The following NAV3 variants were observed in gnomAD, a reference collection of about 807,000 sequenced individuals.
NAV3 encodes the protein neuron navigator 3, also known as pore membrane and/or filament interacting like protein 1.
A neutral mutation model predicts 244.7 loss-of-function variants in NAV3; 87 were observed. That is an observed-to-expected ratio of 0.36 (90% confidence interval 0.30 to 0.42). NAV3 has a LOEUF of 0.42. NAV3 is among the 20% of genes least tolerant of loss of function. The pLI is 1.00. For missense variants in NAV3, 2,663 were observed against 2,893.3 expected, an observed-to-expected ratio of 0.92 and a Z score of 1.83; for synonymous variants, 1,126 against 1,042.2, an observed-to-expected ratio of 1.08 and a Z score of -1.55.
At chr12:78,042,459 A>G (rs1881022735) in intron 9 of NAV3, among the ~76,000 whole-genome samples, 2 of 152,262 alleles carry the variant, frequency 1.3e-5, no homozygotes, top group African/African-American at 2.4e-5. Context: ...GTCTTTGTCC[A>G]TGAGTCTAAT....
At chr12:78,060,632 A>G (rs1337947049) in intron 12 of NAV3, among the ~76,000 whole-genome samples, 1 of 152,212 alleles carries the variant, frequency 6.6e-6, no homozygotes, top group African/African-American at 2.4e-5. Context: ...ATATAGTCAC[A>G]TAGGCTGGCA....
At chr12:78,176,549 T>A (rs1227865594) in intron 26 of NAV3, 90 bp downstream of exon 26, 2 of 1,228,634 alleles carry the variant, frequency 1.6e-6, no homozygotes. Context: ...TAGGCTTTTA[T>A]ACCTTTTAAA....
At chr12:78,155,135 C>G (rs560813548) in intron 22 of NAV3, among the ~76,000 whole-genome samples, 3 of 152,046 alleles carry the variant, frequency 2.0e-5, no homozygotes, top group African/African-American at 7.2e-5. Context: ...AGATATTAAG[C>G]CCACCATCCA....
chr12:78,025,595 C>CA (rs1186694789), intron 9 of NAV3, among the ~76,000 whole-genome samples: 5,299 of 55,348 alleles, frequency 0.096, 798 homozygotes, highest in African/African-American at 0.11. Flanking sequence ...GACTCCATCT[C>CA]AAAAAAAAAA....
chr12:77,719,361 A>C (rs1184349630), intron 2 of NAV3, among the ~76,000 whole-genome samples: 3 of 150,424 alleles, frequency 2.0e-5, no homozygotes, highest in Non-Finnish European at 4.4e-5. Flanking sequence ...AAATTGTGAG[A>C]GTAGGAATCT....
chr12:78,087,618 A>G (rs778296798), intron 12 of NAV3, among the ~76,000 whole-genome samples: 6 of 152,050 alleles, frequency 3.9e-5, no homozygotes, highest in East Asian at 1.9e-4. Flanking sequence ...CAAGGAGACA[A>G]TTATAAAATG....
At chr12:78,126,061 C>G (rs1475316661) in intron 16 of NAV3, among the ~76,000 whole-genome samples, 3 of 152,126 alleles carry the variant, frequency 2.0e-5, no homozygotes, top group Non-Finnish European at 4.4e-5. Context: ...ATCCACAGTA[C>G]TTAAGAAAAC....
intron 2 of NAV3, among the ~76,000 whole-genome samples, chr12:77,593,631 CTTTTT>C: frequency 8.4e-6 from 1 of 118,506 alleles, no homozygotes; most frequent in East Asian, 2.9e-4. Context: ...ATCCCAGCTA[CTTTTT>C]TTTTTTTTTT....
At chr12:78,094,687 A>C (rs1158563017) in intron 12 of NAV3, among the ~76,000 whole-genome samples, 1 of 152,158 alleles carries the variant, frequency 6.6e-6, no homozygotes, top group African/African-American at 2.4e-5. Flanking sequence ...ATTTTTAATT[A>C]CCGGGTTATA....
chr12:77,814,229 G>A (rs183187326), intron 2 of NAV3, among the ~76,000 whole-genome samples: 3 of 151,882 alleles, frequency 2.0e-5, no homozygotes, highest in African/African-American at 7.2e-5. Context: ...GAAGACTCAT[G>A]TCCCTTCGTA....
chr12:77,638,261 G>T (rs1239604122), intron 2 of NAV3, among the ~76,000 whole-genome samples: 1 of 142,424 alleles, frequency 7.0e-6, no homozygotes, highest in Non-Finnish European at 1.5e-5. Context: ...AGGAGGGAAT[G>T]GTTACCCCTG....
At chr12:77,960,670 T>G (rs1891822097) in intron 3 of NAV3, among the ~76,000 whole-genome samples, 2 of 147,764 alleles carry the variant, frequency 1.4e-5, no homozygotes, top group South Asian at 4.2e-4. Context: ...CATATACGAT[T>G]ATATTACATA....
At chr12:78,114,626 A>G (rs1955277371) in intron 12 of NAV3, among the ~76,000 whole-genome samples, 1 of 152,012 alleles carries the variant, frequency 6.6e-6, no homozygotes, top group East Asian at 1.9e-4. Flanking sequence ...TGATTCCATT[A>G]CCTCCCAACG....
At chr12:77,656,816 G>A (rs1444119875) in intron 2 of NAV3, among the ~76,000 whole-genome samples, 13 of 151,676 alleles carry the variant, frequency 8.6e-5, no homozygotes, top group Non-Finnish European at 1.2e-4. Context: ...ACTCAAAACC[G>A]CTCAACTACA....
chr12:77,703,295 T>C (rs1400262791), intron 2 of NAV3, among the ~76,000 whole-genome samples: 1 of 152,114 alleles, frequency 6.6e-6, no homozygotes, highest in African/African-American at 2.4e-5. Context: ...TGATCGTGTG[T>C]CTGTCTCCTT....
chr12:78,063,614 G>A (rs575240279), intron 12 of NAV3, among the ~76,000 whole-genome samples: 1 of 152,096 alleles, frequency 6.6e-6, no homozygotes, highest in Non-Finnish European at 1.5e-5. Context: ...GTAAACAAAG[G>A]CCCCTCTTAA....
intron 2 of NAV3, among the ~76,000 whole-genome samples, chr12:77,712,578 C>T (rs913616333): frequency 1.3e-5 from 2 of 152,140 alleles, no homozygotes; most frequent in Non-Finnish European, 2.9e-5. Context: ...CTAACCAGAA[C>T]ATGTTTATAG....
chr12:77,910,000 G>C (rs1036724437), intron 1 of NAV3, among the ~76,000 whole-genome samples: 27 of 151,970 alleles, frequency 1.8e-4, no homozygotes, highest in Non-Finnish European at 7.4e-5. Flanking sequence ...CTAATATTTC[G>C]ATGTTAAGAT....
intron 9 of NAV3, among the ~76,000 whole-genome samples, chr12:78,044,758 T>C (rs1327765750): frequency 1.3e-5 from 2 of 152,172 alleles, no homozygotes; most frequent in Non-Finnish European, 2.9e-5. Flanking sequence ...TAGGAATGCT[T>C]GTGATTTTCG....
Sources: allele counts gnomAD v4.1 joint callset (sites outside exome capture counted in the v4.1 genomes callset), GRCh38; gene constraint gnomAD v4.1.1; transcripts MANE v1.5; gene names NCBI Gene and HGNC (gene_info 2026-07-23, HGNC 2026-07-21).